Variants in RSBN1 observed in about 807,000 individuals in gnomAD.
The protein encoded by RSBN1 is round spermatid basic protein 1.
Under a neutral mutation model 74.8 loss-of-function variants are expected in RSBN1, and 23 were observed. The ratio of observed to expected loss-of-function variants is 0.31; its 90% CI spans 0.22 to 0.44. The LOEUF (loss-of-function observed/expected upper bound fraction) is 0.44. Ranked by LOEUF, RSBN1 falls within the 20% of genes least tolerant of loss-of-function variation. The pLI, the probability that RSBN1 is intolerant of heterozygous loss-of-function variation, is 1.00. For synonymous variants in RSBN1, 407 were observed against 379.6 expected, an observed-to-expected ratio of 1.07 and a Z score of -0.84; for missense variants, 808 against 1,020.9, an observed-to-expected ratio of 0.79 and a Z score of 2.84.
In RSBN1 at chr1:113,763,613, C is replaced by T. The variant is rs187476848; in HGVS notation, c.*2367G>A. 2 of 152,868 alleles carry T rather than the reference C, an allele frequency of 1.3e-5. No homozygotes were observed. Among genetic ancestry groups the T allele is most frequent in the Non-Finnish European group, 2.9e-5 (2 of 68,020 alleles). 9.5% of individuals were successfully genotyped at this position (152,868 alleles called of 1,614,324 possible). A position where few individuals can be genotyped will look rare whatever the true frequency, so the allele number is the denominator to read the frequency against. On this transcript the variant is annotated 3_prime_UTR_variant, in exon 7 of 7. Coordinates refer to ENST00000261441, the MANE Select transcript of RSBN1 (RefSeq NM_018364.5). ...CATAGGACATTCAGTTTTCAGATCA[C>T]GTTACTAGCTAAATGTTTCTCTTCA...
At chr1:113,784,913 T>TTATA (rs1220208618) in intron 2 of RSBN1, among the ~76,000 whole-genome samples, 2 of 152,204 alleles carry the variant, frequency 1.3e-5, no homozygotes, top group African/African-American at 4.8e-5. Context: ...ACTGTAGACT[T>TTATA]TATAAACAGT....
intron 1 of RSBN1, among the ~76,000 whole-genome samples, chr1:113,800,920 CATG>C (rs2101822168): frequency 6.6e-6 from 1 of 151,166 alleles, no homozygotes; most frequent in Middle Eastern, 3.4e-3. Flanking sequence ...CATAAATCAA[CATG>C]ATAAAAATTT....
At chr1:113,797,090 T>A (rs1660486430) in intron 2 of RSBN1, among the ~76,000 whole-genome samples, 1 of 152,230 alleles carries the variant, frequency 6.6e-6, no homozygotes, top group Non-Finnish European at 1.5e-5. Flanking sequence ...ATTACCCGAT[T>A]TGTGAAAGAC....
At chr1:113,804,517 C>G (rs1660661455) in intron 1 of RSBN1, among the ~76,000 whole-genome samples, 1 of 152,184 alleles carries the variant, frequency 6.6e-6, no homozygotes, top group South Asian at 2.1e-4. Flanking sequence ...CCTCCACTAT[C>G]AGACATCTCC....
chr1:113,779,320 AT>A (rs914075855), intron 2 of RSBN1, among the ~76,000 whole-genome samples: 1 of 152,116 alleles, frequency 6.6e-6, no homozygotes, highest in African/African-American at 2.4e-5. Context: ...TTTAGAATCA[AT>A]TTTTTTCCAT....
intron 1 of RSBN1, among the ~76,000 whole-genome samples, chr1:113,808,527 C>T (rs938088947): frequency 1.3e-5 from 2 of 152,136 alleles, no homozygotes; most frequent in African/African-American, 4.8e-5. Context: ...AAAACCTGAA[C>T]ACCAATTTTC....
intron 4 of RSBN1, among the ~76,000 whole-genome samples, chr1:113,774,565 T>C (rs1188416074): frequency 1.3e-5 from 2 of 151,738 alleles, no homozygotes; most frequent in Non-Finnish European, 2.9e-5. Context: ...TAGTCCCAGC[T>C]ACTTGGGAGG....
At chr1:113,769,145 C>G (rs1206735320) in intron 4 of RSBN1, among the ~76,000 whole-genome samples, 2 of 152,106 alleles carry the variant, frequency 1.3e-5, no homozygotes, top group African/African-American at 4.8e-5. Context: ...TTTGTACTCT[C>G]GGACCAATAA....
intron 2 of RSBN1, among the ~76,000 whole-genome samples, chr1:113,783,335 T>A (rs1660173601): frequency 6.6e-6 from 1 of 152,044 alleles, no homozygotes. Flanking sequence ...ATCACTTGCA[T>A]TTAAAAATTT....
At chr1:113,809,632 CA>C (rs1319858078) in intron 1 of RSBN1, among the ~76,000 whole-genome samples, 1 of 152,094 alleles carries the variant, frequency 6.6e-6, no homozygotes, top group Non-Finnish European at 1.5e-5. Context: ...CTTTTTCACC[CA>C]AAATATAGTT....
intron 2 of RSBN1, among the ~76,000 whole-genome samples, chr1:113,785,062 G>A (rs1305709991): frequency 6.6e-6 from 1 of 151,842 alleles, no homozygotes; most frequent in African/African-American, 2.4e-5. Context: ...AAAACACATT[G>A]TACAGCTATA....
chr1:113,774,602 G>A (rs1401729580), intron 4 of RSBN1, among the ~76,000 whole-genome samples: 3 of 151,994 alleles, frequency 2.0e-5, no homozygotes, highest in Non-Finnish European at 2.9e-5. Flanking sequence ...GTGTGAACCC[G>A]GGAGGAGGGG....
chr1:113,792,462 G>C (rs1660386042), intron 2 of RSBN1, among the ~76,000 whole-genome samples: 2 of 148,582 alleles, frequency 1.3e-5, no homozygotes, highest in Admixed American at 6.6e-5. Flanking sequence ...GAACATGCTA[G>C]GAGGCCAAAG....
chr1:113,769,546 T>A (rs550306934), intron 4 of RSBN1, among the ~76,000 whole-genome samples: 282 of 152,354 alleles, frequency 1.9e-3, no homozygotes, highest in African/African-American at 6.6e-3. Context: ...TTTATTATAT[T>A]GTTTTCTGCT....
At chr1:113,767,522 C>T (rs1165690621) in intron 5 of RSBN1, among the ~76,000 whole-genome samples, 1 of 152,126 alleles carries the variant, frequency 6.6e-6, no homozygotes, top group Non-Finnish European at 1.5e-5. Context: ...TGGGCCCCAA[C>T]AGAATATAAA....
chr1:113,782,670 G>C (rs1217205004), intron 2 of RSBN1, among the ~76,000 whole-genome samples: 2 of 152,154 alleles, frequency 1.3e-5, no homozygotes, highest in African/African-American at 4.8e-5. Flanking sequence ...ACCAAGAAGT[G>C]GAATTGCTTG....
chr1:113,767,295 T>C, intron 5 of RSBN1, 88 bp from the exon 6 acceptor site: 1 of 694,736 alleles, frequency 1.4e-6, no homozygotes, highest in Non-Finnish European at 2.4e-6. Flanking sequence ...TTGGAAATGC[T>C]TCTACCAGCA....
chr1:113,772,030 T>G (rs1659895247), intron 4 of RSBN1, among the ~76,000 whole-genome samples: 1 of 152,124 alleles, frequency 6.6e-6, no homozygotes, highest in South Asian at 2.1e-4. Flanking sequence ...TTTTGCATAT[T>G]CTTCCTTTGA....
Position 113,812,129 on chromosome 1 carries a change from C to A in RSBN1, c.284G>T (p.Gly95Val). ...VKRQRRSSSGGSQEKRGRPSQ... is the reference protein window; with the variant it reads ...VKRQRRSSSGVSQEKRGRPSQ... ...CGGCCGCCCCCGCTTCTCCTGAGAC[C>A]CCCCACTGCTAGATCGGCGCTGCCG... The change falls in exon 1 of 7, where the codon GGG (glycine) becomes GTG (valine). Residue 95 changes from glycine to valine, a missense_variant. Physicochemically the swap from Gly to Val is moderately radical, Grantham distance 109 (BLOSUM62 -3). Coordinates refer to ENST00000261441, the MANE Select transcript of RSBN1 (RefSeq NM_018364.5). 6.2e-7 allele frequency: 1 copy of A among 1,608,000 alleles called. No individual in the cohort carries two copies. Among genetic ancestry groups the A allele is most frequent in the South Asian group, 1.1e-5 (1 of 90,960 alleles).
Sources: allele counts gnomAD v4.1 joint callset (sites outside exome capture counted in the v4.1 genomes callset), GRCh38; gene constraint gnomAD v4.1.1; transcripts MANE v1.5; gene names NCBI Gene and HGNC (gene_info 2026-07-23, HGNC 2026-07-21).